The following BRIP1 variants were observed in gnomAD, a reference collection of about 807,000 sequenced individuals.
The protein encoded by BRIP1 is BRCA1 interacting DNA helicase 1.
A neutral mutation model predicts 119.7 loss-of-function variants in BRIP1; 88 were observed. That is an observed-to-expected ratio of 0.74 (90% CI 0.62 to 0.88). The LOEUF (loss-of-function observed/expected upper bound fraction) is 0.88. BRIP1 is among the 40% of genes least tolerant of loss of function. The pLI, the probability that BRIP1 is intolerant of heterozygous loss-of-function variation, is 0.00. For synonymous variants in BRIP1, 443 were observed against 496.5 expected, an observed-to-expected ratio of 0.89 and a Z score of 1.43; for missense variants, 1,259 against 1,455.4, an observed-to-expected ratio of 0.87 and a Z score of 2.20.
Position 61,756,820 on chromosome 17 carries a change from T to C in BRIP1, c.2098-12229A>G, listed in dbSNP as rs1030922903. Among the ~76,000 whole-genome samples the C allele has an allele frequency of 7.9e-5, 12 of 152,206 alleles. No homozygotes were observed. Among genetic ancestry groups the C allele is most frequent in the African/African-American group, 2.2e-4 (9 of 41,466 alleles). ...GACCTCTTTGCCCTCATTAGTGGTA[T>C]TGTTACAATCCCAGTCCTCTGGAAA... On this transcript the variant is annotated intron_variant, in intron 14 of 19. Transcript: ENST00000259008. This position sits in a 1 kb window ranked among gnomAD's most constrained non-coding sequence, Gnocchi z 4.3.
Position 61,681,014 on chromosome 17 carries a change from T to G in BRIP1, c.*2282A>C, listed in dbSNP as rs1335985029. Among the ~76,000 whole-genome samples, 1 of 152,104 alleles carries G rather than the reference T, an allele frequency of 6.6e-6. No homozygotes were observed. Among genetic ancestry groups the G allele is most frequent in the Non-Finnish European group, 1.5e-5 (1 of 68,008 alleles). On this transcript the variant is annotated 3_prime_UTR_variant, in exon 20 of 20. Coordinates refer to ENST00000259008, the MANE Select transcript of BRIP1 (RefSeq NM_032043.3). This position sits in a 1 kb window ranked among gnomAD's most constrained non-coding sequence, Gnocchi z 5.1. ...TACAATCATGGCGGAAGGCAACTTT[T>G]CACAGGGCAGCAGGAGAGAAGAATG...
chr17:61,793,847 G>A lies in BRIP1; in HGVS notation c.1341-118C>T. The A allele has an allele frequency of 9.6e-7, 1 of 1,040,876 alleles. No individual in the cohort carries two copies. The allele number at this position is 1,040,876 out of a possible 1,614,324, so 64.5% of individuals were successfully genotyped here. A position where few individuals can be genotyped will look rare whatever the true frequency, so the allele number is the denominator to read the frequency against. ...GATCTGTATATCTTGACATTCTTAG[G>A]ACATGAATGTGGATTAATTAAGACA... is the stretch of plus-strand genomic sequence containing the variant. On this transcript the variant is annotated intron_variant, in intron 9 of 19. Coordinates refer to ENST00000259008, the MANE Select transcript of BRIP1 (RefSeq NM_032043.3). This position sits in a 1 kb window ranked among gnomAD's most constrained non-coding sequence, Gnocchi z 5.2.
At chr17:61,747,386 C>A (rs2077072053) in intron 14 of BRIP1, among the ~76,000 whole-genome samples, 1 of 148,712 alleles carries the variant, frequency 6.7e-6, no homozygotes, top group Non-Finnish European at 1.5e-5. Flanking sequence ...AAAAGATCAA[C>A]AGAATTGACA....
rs1371847729 is a variant in BRIP1, at chr17:61,834,262, T to C, written c.627+12839A>G. 1.3e-5 allele frequency among the ~76,000 whole-genome samples: 2 copies of C among 152,148 alleles called. No individual in the cohort carries two copies. Among genetic ancestry groups the C allele is most frequent in the African/African-American group, 2.4e-5 (1 of 41,450 alleles). On this transcript the variant is annotated intron_variant, in intron 6 of 19. Transcript: ENST00000259008. The surrounding 1 kb of genome is among the most constrained non-coding windows in gnomAD (Gnocchi z 4.4). ...GGAGGGAGTATATATGTAATATATG[T>C]GTAATATATGTCATATATACTACAT...
At position 61,770,027 on chromosome 17, in the gene BRIP1, G is replaced by T. The variant is rs1219755281; in HGVS notation, c.2097+6374C>A. Among the ~76,000 whole-genome samples, 1 of 152,134 alleles carries T rather than the reference G, an allele frequency of 6.6e-6. No homozygotes were observed. The highest frequency in any genetic ancestry group is 1.5e-5 in the Non-Finnish European group (1 of 68,008). On this transcript the variant is annotated intron_variant, in intron 14 of 19. Coordinates refer to ENST00000259008, the MANE Select transcript of BRIP1 (RefSeq NM_032043.3). The surrounding 1 kb of genome is among the most constrained non-coding windows in gnomAD (Gnocchi z 4.7). ...GAGGAGGGAAAAAAACAACCATTTT[G>T]AAATACGTTCAACGCATTCTCTAAA...
In BRIP1 at chr17:61,859,911, T is replaced by C. The variant is rs765154059; in HGVS notation, c.94-4A>G. On this transcript the variant is annotated splice_polypyrimidine_tract_variant and splice_region_variant and intron_variant, in intron 2 of 19. Coordinates refer to ENST00000259008, the MANE Select transcript of BRIP1 (RefSeq NM_032043.3). Reference sequence around the variant, plus strand: ...TGCTGTTTAATCCTCTGAGAATCTATGAACACAGAAACCAATGAAAATAAT... The same window carrying C: ...TGCTGTTTAATCCTCTGAGAATCTACGAACACAGAAACCAATGAAAATAAT... 7 of 1,576,726 alleles carry C rather than the reference T, an allele frequency of 4.4e-6. No homozygotes were observed. In the East Asian group the frequency reaches 1.3e-4, roughly 30 times the overall value.
Position 61,743,979 on chromosome 17 carries a change from G to A in BRIP1, c.2257+453C>T, listed in dbSNP as rs140927094. Among the ~76,000 whole-genome samples the A allele has an allele frequency of 1.3e-5, 2 of 152,094 alleles. No homozygotes were observed. Among genetic ancestry groups the A allele is most frequent in the Non-Finnish European group, 2.9e-5 (2 of 68,020 alleles). ...TAGGATTACAGGCAAGAGCCACCAC[G>A]CCCGGCCTCACATCAAACTCTTCAT... On this transcript the variant is annotated intron_variant, in intron 15 of 19. Coordinates refer to ENST00000259008, the MANE Select transcript of BRIP1 (RefSeq NM_032043.3). This position sits in a 1 kb window ranked among gnomAD's most constrained non-coding sequence, Gnocchi z 4.3.
rs1269600250 is a variant in BRIP1, at chr17:61,687,169, G to A, written c.2576-1004C>T. Among the ~76,000 whole-genome samples the A allele has an allele frequency of 6.6e-6, 1 of 152,120 alleles. No individual in the cohort carries two copies. Among genetic ancestry groups the A allele is most frequent in the Non-Finnish European group, 1.5e-5 (1 of 68,016 alleles). ...GTGGGAAGATTGCTTGAGGCCAGGA[G>A]TTCAAGGTTTCAGTGAACTATGATC... On this transcript the variant is annotated intron_variant, in intron 18 of 19. Coordinates refer to ENST00000259008, the MANE Select transcript of BRIP1 (RefSeq NM_032043.3). This position sits in a 1 kb window ranked among gnomAD's most constrained non-coding sequence, Gnocchi z 5.1.
At position 61,757,994 on chromosome 17, in the gene BRIP1, G is replaced by GAA. The variant is rs1024407433; in HGVS notation, c.2098-13405_2098-13404dup. 7.2e-6 allele frequency among the ~76,000 whole-genome samples: 1 copy of GAA among 139,832 alleles called. No individual in the cohort carries two copies. Among genetic ancestry groups the GAA allele is most frequent in the Non-Finnish European group, 1.6e-5 (1 of 64,078 alleles). 91.7% of individuals were successfully genotyped at this position (139,832 alleles called of 152,430 possible). On this transcript the variant is annotated intron_variant, in intron 14 of 19. Transcript: ENST00000259008. This position sits in a 1 kb window ranked among gnomAD's most constrained non-coding sequence, Gnocchi z 4.3. ...GGGCAACAGAATGAGACACTGTCTT[G>GAA]AAAAAAAAAAAGAGAAAAAAGAAAA...
chr17:61,721,193 A>C (rs1282525840), intron 16 of BRIP1, among the ~76,000 whole-genome samples: 2 of 151,752 alleles, frequency 1.3e-5, no homozygotes, highest in African/African-American at 4.8e-5. Flanking sequence ...AAAACAGAAC[A>C]GTACACTTCT....
At chr17:61,859,104 A>G (rs1240625653) in intron 3 of BRIP1, among the ~76,000 whole-genome samples, 1 of 152,016 alleles carries the variant, frequency 6.6e-6, no homozygotes, top group African/African-American at 2.4e-5. Context: ...ATTCATACAA[A>G]CAATATTATA....
chr17:61,750,311 T>C (rs1469023443), intron 14 of BRIP1, among the ~76,000 whole-genome samples: 1 of 152,106 alleles, frequency 6.6e-6, no homozygotes, highest in African/African-American at 2.4e-5. Flanking sequence ...GAAAACTGGA[T>C]CACCACATGT....
In BRIP1 at chr17:61,751,051, A is replaced by C. The variant is rs898758799; in HGVS notation, c.2098-6460T>G. Among the ~76,000 whole-genome samples, 1 of 152,228 alleles carries C rather than the reference A, an allele frequency of 6.6e-6. No individual in the cohort carries two copies. Among genetic ancestry groups the C allele is most frequent in the African/African-American group, 2.4e-5 (1 of 41,452 alleles). ...GCTGTATGCTGATGTTTATAGAAGC[A>C]TTATTCCCAATAACCAAATAGTGGA... On this transcript the variant is annotated intron_variant, in intron 14 of 19. Coordinates refer to ENST00000259008, the MANE Select transcript of BRIP1 (RefSeq NM_032043.3). This position sits in a 1 kb window ranked among gnomAD's most constrained non-coding sequence, Gnocchi z 6.7.
chr17:61,707,791 CA>C (rs1436017096), intron 17 of BRIP1, among the ~76,000 whole-genome samples: 2 of 151,356 alleles, frequency 1.3e-5, no homozygotes, highest in Non-Finnish European at 2.9e-5. Flanking sequence ...ATAGTGCCTA[CA>C]AAAATAGCCC....
rs2077000974 is a variant in BRIP1, at chr17:61,742,630, G to A, written c.2379+383C>T. Among the ~76,000 whole-genome samples, 1 of 152,160 alleles carries A rather than the reference G, an allele frequency of 6.6e-6. No homozygotes were observed. The highest frequency in any genetic ancestry group is 1.5e-5 in the Non-Finnish European group (1 of 68,040). ...CCAAGGAGAGAGAAATGGGGGAAGG[G>A]TAGTCAGTGGAGCAGTTAGAATACA... is the stretch of plus-strand genomic sequence containing the variant. On this transcript the variant is annotated intron_variant, in intron 16 of 19. Transcript: ENST00000259008. The surrounding 1 kb of genome is among the most constrained non-coding windows in gnomAD (Gnocchi z 4.7).
rs2061858017 is a variant in BRIP1 at position 61,716,071 on chromosome 17, T to G, written c.2380-8A>C. ...TTGTCGTTTTAGTTCAACCTAATAA[T>G]TTTAAAATATATTTAAAAAATTAGT... On this transcript the variant is annotated splice_region_variant and splice_polypyrimidine_tract_variant and intron_variant, in intron 16 of 19. Coordinates refer to ENST00000259008, the MANE Select transcript of BRIP1 (RefSeq NM_032043.3). The G allele has an allele frequency of 6.7e-7, 1 of 1,495,080 alleles. No homozygotes were observed. Among genetic ancestry groups the G allele is most frequent in the South Asian group, 1.3e-5 (1 of 78,410 alleles). 92.6% of individuals were successfully genotyped at this position (1,495,080 alleles called of 1,614,324 possible). A position where few individuals can be genotyped will look rare whatever the true frequency, so the allele number is the denominator to read the frequency against.
rs964337022 is a variant in BRIP1, at chr17:61,823,598, T to C, written c.628-14841A>G. Among the ~76,000 whole-genome samples, 1 of 152,168 alleles carries C rather than the reference T, an allele frequency of 6.6e-6. No homozygotes were observed. The highest frequency in any genetic ancestry group is 1.5e-5 in the Non-Finnish European group (1 of 68,038). On this transcript the variant is annotated intron_variant, in intron 6 of 19. Transcript: ENST00000259008. This position sits in a 1 kb window ranked among gnomAD's most constrained non-coding sequence, Gnocchi z 4.8. The stretch of plus-strand genomic sequence containing the variant: ...TAAAAAATGAACATATAGTCAGTGA[T>C]GTATAATATCAAGCTGTCTAATATA...
In BRIP1 at chr17:61,799,362, A is replaced by T; in HGVS notation, c.1141-63T>A. On this transcript the variant is annotated intron_variant, in intron 8 of 19. Transcript: ENST00000259008. The surrounding 1 kb of genome is among the most constrained non-coding windows in gnomAD (Gnocchi z 5.1). Reference sequence around the variant, plus strand: ...AAAATAGATTTAACAACAGCAGGCAAGATATTTCATTTTAAAATTCACACT... The same window carrying T: ...AAAATAGATTTAACAACAGCAGGCATGATATTTCATTTTAAAATTCACACT... 2 of 1,294,764 alleles carry T rather than the reference A, an allele frequency of 1.5e-6. No individual in the cohort carries two copies. Among genetic ancestry groups the T allele is most frequent in the Non-Finnish European group, 2.2e-6 (2 of 908,238 alleles). 80.2% of individuals were successfully genotyped at this position (1,294,764 alleles called of 1,614,324 possible). A position where few individuals can be genotyped will look rare whatever the true frequency, so the allele number is the denominator to read the frequency against.
At chr17:61,819,925 G>T (rs753862440) in intron 6 of BRIP1, among the ~76,000 whole-genome samples, 5 of 151,722 alleles carry the variant, frequency 3.3e-5, no homozygotes, top group African/African-American at 4.8e-5. Context: ...TTCAGGTGAT[G>T]GATACCTCAT....
Sources: allele counts gnomAD v4.1 joint callset (sites outside exome capture counted in the v4.1 genomes callset), GRCh38; gene constraint gnomAD v4.1.1; non-coding constraint Gnocchi (gnomAD v3.1); transcripts MANE v1.5; gene names NCBI Gene and HGNC (gene_info 2026-07-23, HGNC 2026-07-21).